The following RACK1 variants were observed in gnomAD, a reference collection of about 807,000 sequenced individuals.
The protein encoded by RACK1 is small ribosomal subunit protein RACK1.
In RACK1, 3 loss-of-function variants were observed where a neutral mutation model predicts 42.2. That is an observed-to-expected ratio of 0.07 (90% CI 0.03 to 0.18). The LOEUF is 0.18. Ranked by LOEUF, RACK1 falls within the 10% of genes least tolerant of loss-of-function variation. The pLI is 1.00. For synonymous variants in RACK1, 181 were observed against 154.8 expected (o/e 1.17, Z -1.25); for missense variants, 146 against 403.2 (o/e 0.36, Z 5.46).
intron 3 of RACK1, chr5:181,240,515 G>C (rs886071538): frequency 4.6e-5 from 7 of 151,454 alleles, no homozygotes; most frequent in Non-Finnish European, 1.0e-4. Flanking sequence ...ACAAAAATTA[G>C]CTGGGCATGA....
rs757768792 is a variant in RACK1, at chr5:181,242,361, C to T, written c.110-16G>A. 2 of 1,594,770 alleles carry T rather than the reference C, an allele frequency of 1.3e-6. No individual in the cohort carries two copies. The highest frequency in any genetic ancestry group is 2.2e-5 in the South Asian group (2 of 89,760). Reference sequence around the variant, plus strand: ...ATGGTCTTATCTAAAGGAGGTAAAACAGAAGAAAAATCAGTGAGGAACCCG... The same window carrying T: ...ATGGTCTTATCTAAAGGAGGTAAAATAGAAGAAAAATCAGTGAGGAACCCG... On this transcript the variant is annotated splice_polypyrimidine_tract_variant and intron_variant, in intron 1 of 7. Transcript: ENST00000512805.
At chr5:181,242,079 G>T in intron 2 of RACK1, 95 bp downstream of exon 2, 1 of 1,113,702 alleles carries the variant, frequency 9.0e-7, no homozygotes. Flanking sequence ...TTCCCAAATG[G>T]ACTGGATCTC....
In RACK1 at chr5:181,237,921, C is replaced by T. The variant is rs1247642876; in HGVS notation, c.777+178G>A. 3.5e-5 allele frequency: 24 copies of T among 686,206 alleles called. 1 individual carries two copies. In the South Asian group the frequency reaches 3.9e-4, roughly 11 times the overall value. 42.5% of individuals were successfully genotyped at this position (686,206 alleles called of 1,614,324 possible). A position where few individuals can be genotyped will look rare whatever the true frequency, so the allele number is the denominator to read the frequency against. ...AGTAGAAGCTGGAAATGCTGCTAAA[C>T]ATCCTGGAATGTACAGGACTGCACA... On this transcript the variant is annotated intron_variant, in intron 6 of 7. Coordinates refer to ENST00000512805, the MANE Select transcript of RACK1 (RefSeq NM_006098.5).
chr5:181,243,146 T>C (rs1759416229), intron 1 of RACK1: 3 of 643,972 alleles, frequency 4.7e-6, no homozygotes, highest in Non-Finnish European at 7.2e-6. Flanking sequence ...AGTCAGACAA[T>C]TCTTAACAGT....
chr5:181,243,882 G>A lies in RACK1; in HGVS notation c.-82C>T, dbSNP rs1759452504. 1.9e-5 allele frequency: 29 copies of A among 1,488,936 alleles called. No individual in the cohort carries two copies. The highest frequency in any genetic ancestry group is 2.3e-4 in the Middle Eastern group (1 of 4,270). The allele number at this position is 1,488,936 out of a possible 1,614,324, so 92.2% of individuals were successfully genotyped here. A position where few individuals can be genotyped will look rare whatever the true frequency, so the allele number is the denominator to read the frequency against. The stretch of plus-strand genomic sequence containing the variant: ...AGAAACTAGCACCACAACCTCTCCT[G>A]CCGCCGCCTTGCAGTGAAAGAGAGA... On this transcript the variant is annotated 5_prime_UTR_variant, in exon 1 of 8. Transcript: ENST00000512805.
At chr5:181,243,594 G>C in intron 1 of RACK1, 98 bp downstream of exon 1, 1 of 1,465,980 alleles carries the variant, frequency 6.8e-7, no homozygotes, top group South Asian at 1.3e-5. Flanking sequence ...CAACTCGCGC[G>C]CCACCGGCCT....
chr5:181,237,306 G>T (rs1319301241), intron 7 of RACK1: 1 of 727,844 alleles, frequency 1.4e-6, no homozygotes, highest in African/African-American at 1.7e-5. Context: ...CTTGTAAGTG[G>T]TGGTTATGTA....
chr5:181,241,883 CA>C (rs750141415), intron 2 of RACK1: 67 of 767,192 alleles, frequency 8.7e-5, no homozygotes, highest in Non-Finnish European at 1.5e-4. Context: ...CATCTGTCAT[CA>C]CCAGGACCCT....
rs1171753371 is a variant in RACK1 at position 181,239,121 on chromosome 5, A to G, written c.582T>C (p.Tyr194=). 2 of 1,614,056 alleles carry G rather than the reference A, an allele frequency of 1.2e-6. No homozygotes were observed. The highest frequency in any genetic ancestry group is 1.7e-5 in the Admixed American group (1 of 60,010). The change falls in exon 5 of 8, where the codon TAT becomes TAC. Residue 194 remains tyrosine (Y), a synonymous_variant. Transcript: ENST00000512805. The part of the protein sequence containing the change: ...LKTNHIGHTG[Y]LNTVTVSPDG... ...CTGGAGAGACAGTCACCGTGTTCAG[A>G]TAGCCTGTGTGGCCAATGTGGTTGG...
chr5:181,242,175 T>C lies in RACK1; in HGVS notation c.280A>G (p.Thr94Ala). ...AGAGCTAAGTGAGCAGCTACTTGCG[T>C]TGTGAGATCCCAGAGGCGCAGGGTT... The part of the protein sequence containing the change: ...DGTLRLWDLT[T>A]GTTTRRFVGH... The change falls in exon 2 of 8, where the codon ACG (threonine) becomes GCG (alanine). Residue 94 changes from threonine to alanine, a missense_variant and splice_region_variant. Transcript: ENST00000512805. 2 of 1,611,128 alleles carry C rather than the reference T, an allele frequency of 1.2e-6. No homozygotes were observed. Among genetic ancestry groups the C allele is most frequent in the Non-Finnish European group, 1.7e-6 (2 of 1,178,776 alleles).
intron 3 of RACK1, chr5:181,240,084 G>A (rs1759283596): frequency 6.4e-6 from 1 of 156,170 alleles, no homozygotes; most frequent in African/African-American, 2.4e-5. Flanking sequence ...GGCCTGGTGT[G>A]GTGGCTCACG....
At chr5:181,242,071 C>T (rs759974310) in intron 2 of RACK1, 103 bp downstream of exon 2, 1 of 1,054,918 alleles carries the variant, frequency 9.5e-7, no homozygotes, top group South Asian at 1.4e-5. Flanking sequence ...CTTTCCAGTT[C>T]CCAAATGGAC....
chr5:181,239,444 C>T, intron 4 of RACK1, 43 bp downstream of exon 4: 1 of 1,404,054 alleles, frequency 7.1e-7, no homozygotes, highest in Non-Finnish European at 1.0e-6. Context: ...CACCTGGGAG[C>T]ACACCCTGAC....
At chr5:181,238,983 C>T in intron 5 of RACK1, 84 bp downstream of exon 5, 1 of 866,712 alleles carries the variant, frequency 1.2e-6, no homozygotes, top group Non-Finnish European at 2.0e-6. Context: ...CTAATGTTTG[C>T]CATTTTACGT....
intron 6 of RACK1, 146 bp from the exon 7 acceptor site, chr5:181,237,865 C>T (rs1020772416): frequency 9.1e-6 from 6 of 661,744 alleles, no homozygotes; most frequent in Non-Finnish European, 1.1e-5. Context: ...TCAGTTGCCA[C>T]TAGTGGAAGG....
chr5:181,240,280 G>A (rs1179414050), intron 3 of RACK1: 4 of 159,182 alleles, frequency 2.5e-5, no homozygotes, highest in South Asian at 2.8e-4. Flanking sequence ...GCGTGAACCC[G>A]GGAAGCAGAG....
chr5:181,238,044 A>T, intron 6 of RACK1, 55 bp downstream of exon 6: 1 of 1,594,680 alleles, frequency 6.3e-7, no homozygotes, highest in Non-Finnish European at 8.6e-7. Context: ...TAACCAAAAC[A>T]TTGCCAGGGC....
intron 1 of RACK1, 101 bp from the exon 2 acceptor site, chr5:181,242,446 C>G (rs1759378913): frequency 5.3e-6 from 4 of 756,790 alleles, no homozygotes; most frequent in Non-Finnish European, 9.1e-6. Context: ...GGGTTAACAA[C>G]AACTAAGGAC....
At chr5:181,243,123 G>T (rs190989107) in intron 1 of RACK1, 239 of 519,852 alleles carry the variant, frequency 4.6e-4, no homozygotes, top group African/African-American at 4.6e-3. Flanking sequence ...TTAACAGCCA[G>T]ACATGATTCA....
Sources: allele counts gnomAD v4.1 joint callset, GRCh38; gene constraint gnomAD v4.1.1; transcripts MANE v1.5; gene names NCBI Gene and HGNC (gene_info 2026-07-23, HGNC 2026-07-21).